CPEB4: variants seen among roughly 807,000 people sequenced by gnomAD.
CPEB4 encodes cytoplasmic polyadenylation element binding protein 4.
CPEB4 carries 12 observed loss-of-function variants against 72.5 expected under a neutral mutation model. That is an observed-to-expected ratio of 0.17 (90% confidence interval 0.11 to 0.27). The LOEUF is 0.27. Ranked by LOEUF, CPEB4 falls within the 10% of genes least tolerant of loss-of-function variation. CPEB4 has a pLI of 1.00. For synonymous variants in CPEB4, 302 were observed against 326.3 expected (o/e 0.93, Z 0.80); for missense variants, 614 against 908.5 (o/e 0.68, Z 4.17).
At chr5:173,918,300 AT>A in intron 2 of CPEB4, 2 of 152,298 alleles carry the variant, frequency 1.3e-5, no homozygotes, top group Non-Finnish European at 2.9e-5. Context: ...GTGTGGCATG[AT>A]TTTTTTGTAT....
intron 2 of CPEB4, among the ~76,000 whole-genome samples, chr5:173,926,010 C>T (rs1757230238): frequency 6.6e-6 from 1 of 152,162 alleles, no homozygotes; most frequent in African/African-American, 2.4e-5. Flanking sequence ...CTACTTGTCA[C>T]TTTAGAGTTA....
chr5:173,891,890 T>C (rs972388647), intron 1 of CPEB4, among the ~76,000 whole-genome samples: 2 of 152,078 alleles, frequency 1.3e-5, no homozygotes, highest in Non-Finnish European at 1.5e-5. Context: ...TATCCCCATT[T>C]TACAGATGCA....
chr5:173,952,906 C>T (rs781008296), intron 8 of CPEB4, among the ~76,000 whole-genome samples, 185 bp from the exon 9 acceptor site: 80 of 152,102 alleles, frequency 5.3e-4, no homozygotes, highest in Non-Finnish European at 5.1e-4. Flanking sequence ...CCTAGCAACC[C>T]CTTGCCCACA....
At chr5:173,914,865 CAA>C (rs1308359267) in intron 2 of CPEB4, among the ~76,000 whole-genome samples, 4 of 152,072 alleles carry the variant, frequency 2.6e-5, no homozygotes, top group African/African-American at 9.7e-5. Context: ...CTTTACAATT[CAA>C]AGACAACTTT....
chr5:173,928,886 C>T (rs940949729), intron 2 of CPEB4, among the ~76,000 whole-genome samples: 1 of 152,046 alleles, frequency 6.6e-6, no homozygotes. Flanking sequence ...GTTAGGGAAG[C>T]ATTATGAAAG....
intron 2 of CPEB4, among the ~76,000 whole-genome samples, chr5:173,914,554 G>A (rs1222024557): frequency 3.9e-5 from 6 of 152,098 alleles, no homozygotes; most frequent in Admixed American, 3.9e-4. Flanking sequence ...TCAGGAGTTC[G>A]AGACCAGCCT....
intron 2 of CPEB4, among the ~76,000 whole-genome samples, chr5:173,919,769 G>A (rs191236242): frequency 2.0e-5 from 3 of 152,308 alleles, no homozygotes; most frequent in East Asian, 3.9e-4. Flanking sequence ...CAACAGGAAC[G>A]AGGGAACAGT....
chr5:173,893,198 C>T (rs1755879726), intron 1 of CPEB4: 1 of 152,026 alleles, frequency 6.6e-6, no homozygotes, highest in Non-Finnish European at 1.5e-5. Context: ...GTAAACTGAC[C>T]ACTGTGATTC....
intron 1 of CPEB4, among the ~76,000 whole-genome samples, chr5:173,907,945 A>T (rs1317572893): frequency 6.6e-6 from 1 of 152,214 alleles, no homozygotes; most frequent in Non-Finnish European, 1.5e-5. Flanking sequence ...GGAAGCTCAC[A>T]GTCAGAGGAC....
intron 3 of CPEB4, 47 bp downstream of exon 3, chr5:173,932,547 A>T: frequency 7.1e-7 from 1 of 1,410,990 alleles, no homozygotes; most frequent in South Asian, 1.2e-5. Context: ...AAACTGATAC[A>T]GTAGTTGTGC....
At chr5:173,920,275 G>C (rs1432723517) in intron 2 of CPEB4, among the ~76,000 whole-genome samples, 5 of 152,196 alleles carry the variant, frequency 3.3e-5, no homozygotes, top group African/African-American at 1.2e-4. Context: ...GATGCCAGTT[G>C]CTGTGTATTG....
intron 3 of CPEB4, among the ~76,000 whole-genome samples, chr5:173,942,362 T>C (rs1209218612): frequency 6.6e-6 from 1 of 152,264 alleles, no homozygotes; most frequent in African/African-American, 2.4e-5. Context: ...AAGTTTATAC[T>C]GTCATTTCCT....
rs889499594 is a variant in CPEB4 at position 173,958,145 on chromosome 5, A to G, written c.*2008A>G. ...AGTAAACAGGTGTGATGAGTTAACA[A>G]GAAATAACACTGTTTGAGAACTAGC... On this transcript the variant is annotated 3_prime_UTR_variant, in exon 10 of 10. Coordinates refer to ENST00000265085, the MANE Select transcript of CPEB4 (RefSeq NM_030627.4). The G allele has an allele frequency of 4.6e-5, 7 of 152,938 alleles. No individual in the cohort carries two copies. Among genetic ancestry groups the G allele is most frequent in the African/African-American group, 1.7e-4 (7 of 41,590 alleles). The allele number at this position is 152,938 out of a possible 1,614,324, so 9.5% of individuals were successfully genotyped here. A position where few individuals can be genotyped will look rare whatever the true frequency, so the allele number is the denominator to read the frequency against.
intron 2 of CPEB4, among the ~76,000 whole-genome samples, chr5:173,928,495 G>A (rs1271040953): frequency 1.3e-5 from 2 of 152,088 alleles, no homozygotes; most frequent in Non-Finnish European, 2.9e-5. Context: ...TTATTTGTAA[G>A]TATGCAAATA....
At chr5:173,901,872 T>C (rs771882268) in intron 1 of CPEB4, among the ~76,000 whole-genome samples, 13 of 152,134 alleles carry the variant, frequency 8.5e-5, no homozygotes, top group Non-Finnish European at 1.6e-4. Flanking sequence ...GATATGAAAA[T>C]GAGTGAAGCT....
At chr5:173,954,309 A>G (rs781047224) in intron 9 of CPEB4, among the ~76,000 whole-genome samples, 5 of 152,204 alleles carry the variant, frequency 3.3e-5, no homozygotes, top group Non-Finnish European at 4.4e-5. Context: ...CTGTGAATCT[A>G]TTAAAGAGAA....
intron 4 of CPEB4, among the ~76,000 whole-genome samples, chr5:173,943,790 GTTA>G (rs1229327353): frequency 1.3e-5 from 2 of 152,090 alleles, no homozygotes; most frequent in African/African-American, 4.8e-5. Flanking sequence ...AAAATATACT[GTTA>G]TTATTTGTGT....
In CPEB4 at chr5:173,956,150, G is replaced by A. The variant is rs762740247; in HGVS notation, c.*13G>A. On this transcript the variant is annotated 3_prime_UTR_variant, in exon 10 of 10. Transcript: ENST00000265085. ...CCGCTGGAACTAAAGGATAACTGCA[G>A]TGCTCATTTTCAGGCCTCAGAATAA... is the stretch of plus-strand genomic sequence containing the variant. The A allele has an allele frequency of 1.2e-6, 2 of 1,607,996 alleles. No homozygotes were observed. Among genetic ancestry groups the A allele is most frequent in the South Asian group, 1.1e-5 (1 of 90,920 alleles).
intron 2 of CPEB4, among the ~76,000 whole-genome samples, chr5:173,921,111 A>G (rs757920840): frequency 1.3e-5 from 2 of 152,214 alleles, no homozygotes; most frequent in East Asian, 1.9e-4. Flanking sequence ...TTCCAAAAGC[A>G]TGTGGATGCT....
Sources: allele counts gnomAD v4.1 joint callset (sites outside exome capture counted in the v4.1 genomes callset), GRCh38; gene constraint gnomAD v4.1.1; transcripts MANE v1.5; gene names NCBI Gene and HGNC (gene_info 2026-07-23, HGNC 2026-07-21).